The following APBB1 variants were observed in gnomAD, a reference collection of about 807,000 sequenced individuals.
APBB1 encodes adaptor protein FE65a2.
In APBB1, 22 loss-of-function variants were observed where a neutral mutation model predicts 78.4. The observed-to-expected ratio is 0.28, with a 90% CI of 0.20 to 0.40. The LOEUF (loss-of-function observed/expected upper bound fraction) is 0.40, where lower values mean the gene tolerates loss of function less well. APBB1 is among the 10% of genes least tolerant of loss of function. The pLI is 1.00. For synonymous variants in APBB1, 369 were observed against 372.7 expected (o/e 0.99, Z 0.12); for missense variants, 749 against 932.4 (o/e 0.80, Z 2.56).
At chr11:6,406,937 C>A (rs982847253) in intron 2 of APBB1, among the ~76,000 whole-genome samples, 2 of 152,132 alleles carry the variant, frequency 1.3e-5, no homozygotes, top group East Asian at 3.9e-4. Flanking sequence ...CATCTTTGCC[C>A]CATAGTATAC....
intron 8 of APBB1, 39 bp from the exon 9 acceptor site, chr11:6,402,021 A>T (rs1476159454): frequency 6.2e-7 from 1 of 1,601,854 alleles, no homozygotes; most frequent in Non-Finnish European, 8.5e-7. Flanking sequence ...TAACAGAGTT[A>T]GAGAGGAGGA....
chr11:6,396,308 G>T, intron 12 of APBB1, 93 bp from the exon 13 acceptor site: 2 of 1,124,070 alleles, frequency 1.8e-6, no homozygotes, highest in South Asian at 1.5e-5. Flanking sequence ...CAAACCCAGG[G>T]CCTTTGCCCC....
chr11:6,411,337 G>C lies in APBB1; in HGVS notation c.11C>G (p.Pro4Arg). 1 of 1,541,456 alleles carries C rather than the reference G, an allele frequency of 6.5e-7. No homozygotes were observed. Among genetic ancestry groups the C allele is most frequent in the Non-Finnish European group, 8.7e-7 (1 of 1,144,734 alleles). MSV[P>R]SSLSQSAINA... ...AATGGCCGACTGGCTCAGTGATGAT[G>C]GAACAGACATGGCCTTGGCAGCTCC... The change falls in exon 2 of 15, where the codon CCA (proline) becomes CGA (arginine). Residue 4 changes from proline to arginine, a missense_variant. Coordinates refer to ENST00000609360, the MANE Select transcript of APBB1 (RefSeq NM_001164.5). This position sits in a 1 kb window ranked among gnomAD's most constrained non-coding sequence, Gnocchi z 5.2.
intron 1 of APBB1, among the ~76,000 whole-genome samples, chr11:6,415,945 CA>C (rs1407569323): frequency 6.6e-6 from 1 of 152,204 alleles, no homozygotes; most frequent in East Asian, 1.9e-4. Context: ...CCCATACAGG[CA>C]AACTTCCTGA....
At chr11:6,407,489 G>T (rs1314153607) in intron 2 of APBB1, among the ~76,000 whole-genome samples, 1 of 152,220 alleles carries the variant, frequency 6.6e-6, no homozygotes, top group Non-Finnish European at 1.5e-5. Context: ...CCTGCAGACT[G>T]ATGCAAGCCT....
In APBB1 at chr11:6,403,562, A is replaced by G. The variant is rs749696670; in HGVS notation, c.898-18T>C. On this transcript the variant is annotated intron_variant, in intron 3 of 14. Coordinates refer to ENST00000609360, the MANE Select transcript of APBB1 (RefSeq NM_001164.5). This position sits in a 1 kb window ranked among gnomAD's most constrained non-coding sequence, Gnocchi z 5.3. ...CAGGTGAGCTAGGAGGAGGGATGGG[A>G]GTAGTGAGTGAGTGTCCTATCCTAC... 6.2e-7 allele frequency: 1 copy of G among 1,614,172 alleles called. No individual in the cohort carries two copies. Among genetic ancestry groups the G allele is most frequent in the Non-Finnish European group, 8.5e-7 (1 of 1,180,012 alleles).
At chr11:6,409,357 G>A (rs1848901795) in intron 2 of APBB1, among the ~76,000 whole-genome samples, 1 of 152,158 alleles carries the variant, frequency 6.6e-6, no homozygotes, top group African/African-American at 2.4e-5. Context: ...TTACAGGTGT[G>A]AGCCACTGCA....
chr11:6,402,828 C>T (rs1192869078), intron 6 of APBB1, 103 bp from the exon 7 acceptor site: 75 of 1,427,252 alleles, frequency 5.3e-5, no homozygotes, highest in Middle Eastern at 1.8e-4. Context: ...TGAACTAAGA[C>T]GGAGAAGCTC....
intron 12 of APBB1, among the ~76,000 whole-genome samples, chr11:6,399,480 G>A (rs950689672): frequency 4.6e-5 from 7 of 152,230 alleles, no homozygotes; most frequent in Non-Finnish European, 8.8e-5. Flanking sequence ...CACCCACATC[G>A]AACCAATCAC....
At position 6,399,053 on chromosome 11, in the gene APBB1, T is replaced by C. The variant is rs144532276; in HGVS notation, c.1672+1936A>G. On this transcript the variant is annotated intron_variant, in intron 12 of 14. Coordinates refer to ENST00000609360, the MANE Select transcript of APBB1 (RefSeq NM_001164.5). Reference sequence around the variant, plus strand: ...CTTTTTCAAGTAGCCTCTTTTCTTCTTCCTGCCTCTCTCCAGTTGTCACTA... The same window carrying C: ...CTTTTTCAAGTAGCCTCTTTTCTTCCTCCTGCCTCTCTCCAGTTGTCACTA... 9.1e-3 allele frequency among the ~76,000 whole-genome samples: 1,381 copies of C among 152,344 alleles called. 17 individuals are homozygous for C. Among genetic ancestry groups the C allele is most frequent in the African/African-American group, 0.032 (1,346 of 41,578 alleles).
At chr11:6,400,911 A>T in intron 12 of APBB1, 78 bp downstream of exon 12, 5 of 1,311,446 alleles carry the variant, frequency 3.8e-6, no homozygotes, top group Non-Finnish European at 5.5e-6. Flanking sequence ...CTGGTAGAAG[A>T]AGTATTGGAA....
rs564546773 is a variant in APBB1 at position 6,407,917 on chromosome 11, C to T, written c.721+2710G>A. Among the ~76,000 whole-genome samples the T allele has an allele frequency of 2.4e-4, 36 of 151,736 alleles. No individual in the cohort carries two copies. In the East Asian group the frequency reaches 5.6e-3, roughly 24 times the overall value. ...GCCTCAGCCTCCCGAGTAGCTGGGACTACAGGCGCCCGCCACCGCGCCCGG... is the reference window on the plus strand; with the variant it reads ...GCCTCAGCCTCCCGAGTAGCTGGGATTACAGGCGCCCGCCACCGCGCCCGG... On this transcript the variant is annotated intron_variant, in intron 2 of 14. Coordinates refer to ENST00000609360, the MANE Select transcript of APBB1 (RefSeq NM_001164.5).
chr11:6,415,294 G>A (rs920924365), intron 1 of APBB1, among the ~76,000 whole-genome samples: 2 of 152,232 alleles, frequency 1.3e-5, no homozygotes, highest in East Asian at 1.9e-4. Flanking sequence ...AGACCACAGG[G>A]GTTGGGGTTG....
At chr11:6,407,381 C>T (rs965536453) in intron 2 of APBB1, among the ~76,000 whole-genome samples, 5 of 152,188 alleles carry the variant, frequency 3.3e-5, no homozygotes, top group African/African-American at 1.2e-4. Flanking sequence ...TTCAGAGTTG[C>T]AGCCCCCACA....
In APBB1 at chr11:6,410,670, G is replaced by C; in HGVS notation, c.678C>G (p.Thr226=). Residue 226 remains threonine (T), a synonymous_variant, in exon 2 of 15, where the codon ACC becomes ACG. Coordinates refer to ENST00000609360, the MANE Select transcript of APBB1 (RefSeq NM_001164.5). ...CATAGGAGGGGCTGCCCTGGGATAAGGTAGCCCAGCTTGAGTCCTCATCAC... is the reference window on the plus strand; with the variant it reads ...CATAGGAGGGGCTGCCCTGGGATAACGTAGCCCAGCTTGAGTCCTCATCAC... ...AASDEDSSWA[T]LSQGSPSYGS... 2 of 1,520,884 alleles carry C rather than the reference G, an allele frequency of 1.3e-6. No homozygotes were observed. The highest frequency in any genetic ancestry group is 2.6e-5 in the South Asian group (2 of 75,542). 94.2% of individuals were successfully genotyped at this position (1,520,884 alleles called of 1,614,324 possible). A position where few individuals can be genotyped will look rare whatever the true frequency, so the allele number is the denominator to read the frequency against.
At chr11:6,409,565 C>T (rs926621018) in intron 2 of APBB1, among the ~76,000 whole-genome samples, 2 of 152,030 alleles carry the variant, frequency 1.3e-5, no homozygotes, top group African/African-American at 2.4e-5. Flanking sequence ...ATGAGTTTTT[C>T]GAAAGGGGAT....
At chr11:6,399,344 T>C (rs1035432066) in intron 12 of APBB1, among the ~76,000 whole-genome samples, 1 of 152,230 alleles carries the variant, frequency 6.6e-6, no homozygotes, top group Non-Finnish European at 1.5e-5. Context: ...AAACTCAGCA[T>C]GTCCAAAAGT....
At position 6,403,988 on chromosome 11, in the gene APBB1, A is replaced by T; in HGVS notation, c.722-166T>A. ...AGAGCCTATAGTCTGGAGTCACCAC[A>T]TGTGGGGCCACCAGTAGGGGACATG... On this transcript the variant is annotated intron_variant, in intron 2 of 14. Coordinates refer to ENST00000609360, the MANE Select transcript of APBB1 (RefSeq NM_001164.5). The surrounding 1 kb of genome is among the most constrained non-coding windows in gnomAD (Gnocchi z 5.3). The T allele has an allele frequency of 1.5e-6, 1 of 658,358 alleles. No homozygotes were observed. Among genetic ancestry groups the T allele is most frequent in the Non-Finnish European group, 2.4e-6 (1 of 425,516 alleles). 40.8% of individuals were successfully genotyped at this position (658,358 alleles called of 1,614,324 possible).
chr11:6,405,446 G>A, intron 2 of APBB1: 1 of 987,228 alleles, frequency 1.0e-6, no homozygotes, highest in Non-Finnish European at 1.2e-6. Flanking sequence ...AGGACCGGCT[G>A]GGAGCGCCCA....
Sources: allele counts gnomAD v4.1 joint callset (sites outside exome capture counted in the v4.1 genomes callset), GRCh38; gene constraint gnomAD v4.1.1; non-coding constraint Gnocchi (gnomAD v3.1); transcripts MANE v1.5; gene names NCBI Gene and HGNC (gene_info 2026-07-23, HGNC 2026-07-21).